Variants in RGS6 observed in about 807,000 individuals in gnomAD.
RGS6 encodes the protein regulator of G-protein signaling 6.
A neutral mutation model predicts 78.5 loss-of-function variants in RGS6; 30 were observed. That is an observed-to-expected ratio of 0.38 (90% CI 0.29 to 0.52). The LOEUF is 0.52. Among genes scored for constraint, RGS6 ranks in the 20% least tolerant of loss-of-function variants. RGS6 has a pLI of 0.85. For synonymous variants in RGS6, 206 were observed against 206.0 expected, an observed-to-expected ratio of 1.00 and a Z score of 0.00; for missense variants, 495 against 609.7, an observed-to-expected ratio of 0.81 and a Z score of 1.98.
intron 17 of RGS6, among the ~76,000 whole-genome samples, chr14:72,560,079 A>G (rs1388812741): frequency 2.0e-5 from 3 of 151,896 alleles, no homozygotes; most frequent in Non-Finnish European, 4.4e-5. Context: ...ACTCATTGGC[A>G]ACAGACTCTT....
intron 2 of RGS6, among the ~76,000 whole-genome samples, chr14:72,193,138 C>T (rs1478110949): frequency 6.6e-6 from 1 of 152,146 alleles, no homozygotes; most frequent in Non-Finnish European, 1.5e-5. Context: ...GGACTACAGA[C>T]ATGCACCACC....
intron 1 of RGS6, among the ~76,000 whole-genome samples, chr14:71,942,434 C>T (rs577427045): frequency 3.5e-4 from 54 of 152,184 alleles, no homozygotes; most frequent in Non-Finnish European, 6.8e-4. Context: ...GCTCCCCTCT[C>T]CTCATCCCCC....
At chr14:72,347,841 T>G (rs2078349141) in intron 2 of RGS6, among the ~76,000 whole-genome samples, 1 of 152,164 alleles carries the variant, frequency 6.6e-6, no homozygotes, top group African/African-American at 2.4e-5. Context: ...TAAAATAAAT[T>G]ATACTCATTG....
At chr14:72,527,340 A>C (rs771774120) in intron 15 of RGS6, among the ~76,000 whole-genome samples, 5 of 152,236 alleles carry the variant, frequency 3.3e-5, no homozygotes, top group Non-Finnish European at 7.3e-5. Context: ...CTTGGGACCC[A>C]AGTAAAGGAC....
chr14:72,048,417 A>AT (rs1362959749), intron 2 of RGS6, among the ~76,000 whole-genome samples: 1 of 152,076 alleles, frequency 6.6e-6, no homozygotes, highest in Non-Finnish European at 1.5e-5. Flanking sequence ...TCTCCTTTCC[A>AT]TTTTCCCATG....
rs145512908 is a variant in RGS6, at chr14:72,292,566, G to A, written c.85-59529G>A. 5.9e-5 allele frequency among the ~76,000 whole-genome samples: 9 copies of A among 152,248 alleles called. No individual in the cohort carries two copies. In the East Asian group the frequency reaches 9.6e-4, roughly 16 times the overall value. ...TAGTCTGTTAAACTTCTATTTTCCCGTCAGACTGTTTTAACAATGCCCTCT... is the reference window on the plus strand; with the variant it reads ...TAGTCTGTTAAACTTCTATTTTCCCATCAGACTGTTTTAACAATGCCCTCT... On this transcript the variant is annotated intron_variant, in intron 2 of 17. Coordinates refer to ENST00000553525, the MANE Select transcript of RGS6 (RefSeq NM_001204424.2).
At chr14:72,017,096 A>G (rs2087188592) in intron 2 of RGS6, among the ~76,000 whole-genome samples, 1 of 152,074 alleles carries the variant, frequency 6.6e-6, no homozygotes, top group Admixed American at 6.5e-5. Context: ...GCAGTGGTAC[A>G]ATCATAGCTA....
chr14:72,108,067 A>G lies in RGS6; in HGVS notation c.84+143192A>G, dbSNP rs114630979. 8.2e-3 allele frequency among the ~76,000 whole-genome samples: 1,252 copies of G among 152,236 alleles called. 13 individuals are homozygous for G. The highest frequency in any genetic ancestry group is 0.029 in the African/African-American group (1,184 of 41,542). On this transcript the variant is annotated intron_variant, in intron 2 of 17. Coordinates refer to ENST00000553525, the MANE Select transcript of RGS6 (RefSeq NM_001204424.2). ...GATGGTCATCACCATTTTCACGTCA[A>G]TGACATGACACTTGGTTGTCCAAAG...
chr14:72,115,035 A>G (rs2095855504), intron 2 of RGS6, among the ~76,000 whole-genome samples: 1 of 152,220 alleles, frequency 6.6e-6, no homozygotes, highest in South Asian at 2.1e-4. Context: ...ATCTGGAGTC[A>G]AAGTCAAGTT....
intron 2 of RGS6, among the ~76,000 whole-genome samples, chr14:72,261,737 T>G (rs1339873934): frequency 3.9e-5 from 6 of 152,122 alleles, no homozygotes; most frequent in South Asian, 2.1e-4. Context: ...TAACCATTTT[T>G]GGGGGGGTTT....
intron 1 of RGS6, among the ~76,000 whole-genome samples, chr14:71,943,021 C>G (rs1477454248): frequency 6.6e-6 from 1 of 152,074 alleles, no homozygotes; most frequent in Non-Finnish European, 1.5e-5. Context: ...GACCCAAGAA[C>G]CTATTTTCTT....
intron 2 of RGS6, among the ~76,000 whole-genome samples, chr14:72,286,061 G>C (rs2062488421): frequency 6.6e-6 from 1 of 151,984 alleles, no homozygotes; most frequent in South Asian, 2.1e-4. Flanking sequence ...CTATGTTTTT[G>C]GTGTCACATC....
intron 3 of RGS6, among the ~76,000 whole-genome samples, chr14:72,357,061 G>A (rs1005438671): frequency 1.3e-5 from 2 of 151,916 alleles, no homozygotes; most frequent in Admixed American, 6.6e-5. Context: ...ATTTGAGGTC[G>A]GGAGTTCAAG....
intron 2 of RGS6, among the ~76,000 whole-genome samples, chr14:72,111,219 A>G (rs1269105732): frequency 1.3e-5 from 2 of 152,228 alleles, no homozygotes; most frequent in African/African-American, 4.8e-5. Flanking sequence ...GTAAAAAGAA[A>G]TCGATTCTTT....
intron 2 of RGS6, among the ~76,000 whole-genome samples, chr14:72,121,656 T>C (rs2096056232): frequency 6.6e-6 from 1 of 152,188 alleles, no homozygotes; most frequent in Non-Finnish European, 1.5e-5. Context: ...CCCTAGTGAA[T>C]TGTTGACTGC....
At chr14:72,234,837 C>G (rs1004014186) in intron 2 of RGS6, among the ~76,000 whole-genome samples, 4 of 152,054 alleles carry the variant, frequency 2.6e-5, no homozygotes, top group African/African-American at 4.8e-5. Context: ...TGCATCTCAC[C>G]ACTTTATTTC....
intron 2 of RGS6, among the ~76,000 whole-genome samples, chr14:72,129,260 ATG>A (rs1319026948): frequency 6.6e-6 from 1 of 152,228 alleles, no homozygotes; most frequent in East Asian, 1.9e-4. Context: ...AAACAAGTGA[ATG>A]AGATAATTCG....
intron 2 of RGS6, among the ~76,000 whole-genome samples, chr14:72,200,333 C>T (rs942997823): frequency 1.6e-4 from 24 of 152,176 alleles, no homozygotes; most frequent in African/African-American, 1.4e-4. Context: ...TTTCGGAACC[C>T]GCTTCCTTCA....
At chr14:72,613,739 G>A in the RGS6 span, among the ~76,000 whole-genome samples, 1 of 152,152 alleles carries the variant, frequency 6.6e-6, no homozygotes, top group Non-Finnish European at 1.5e-5. Context: ...GTACGGAACT[G>A]GCAAGCCCGG....
Sources: allele counts gnomAD v4.1 joint callset (sites outside exome capture counted in the v4.1 genomes callset), GRCh38; gene constraint gnomAD v4.1.1; transcripts MANE v1.5; gene names NCBI Gene and HGNC (gene_info 2026-07-23, HGNC 2026-07-21).